The following NUDCD1 variants were observed in gnomAD, a reference collection of about 807,000 sequenced individuals.
NUDCD1 encodes the protein NudC domain containing 1, also known as nudC domain-containing protein 1.
A neutral mutation model predicts 67.8 loss-of-function variants in NUDCD1; 60 were observed. That is an observed-to-expected ratio of 0.88 (90% CI 0.72 to 1.10). The LOEUF (loss-of-function observed/expected upper bound fraction) is 1.10, where lower values mean the gene tolerates loss of function less well. Among genes scored for constraint, NUDCD1 ranks in the 50% least tolerant of loss-of-function variants. The pLI, the probability that NUDCD1 is intolerant of heterozygous loss-of-function variation, is 0.00. For synonymous variants in NUDCD1, 244 were observed against 230.8 expected (o/e 1.06, Z -0.52); for missense variants, 643 against 695.0 (o/e 0.93, Z 0.84).
chr8:109,306,033 C>G (rs1815094144), intron 2 of NUDCD1, among the ~76,000 whole-genome samples: 2 of 152,162 alleles, frequency 1.3e-5, no homozygotes, highest in South Asian at 2.1e-4. Context: ...TATGCAGTCA[C>G]TCTCACTACT....
intron 8 of NUDCD1, among the ~76,000 whole-genome samples, chr8:109,247,502 G>C (rs896220580): frequency 2.6e-5 from 4 of 152,158 alleles, no homozygotes; most frequent in Non-Finnish European, 5.9e-5. Context: ...AATGAAGGTA[G>C]GTGCCTTATT....
At chr8:109,255,308 T>C (rs186167258) in intron 8 of NUDCD1, among the ~76,000 whole-genome samples, 4 of 152,282 alleles carry the variant, frequency 2.6e-5, no homozygotes, top group Admixed American at 2.6e-4. Context: ...GTCTAAAAAA[T>C]ATGGAAAAGA....
chr8:109,263,004 G>C (rs554397513), intron 8 of NUDCD1, among the ~76,000 whole-genome samples: 1 of 136,460 alleles, frequency 7.3e-6, no homozygotes, highest in African/African-American at 2.9e-5. Context: ...GCAGTGAGCC[G>C]AGATCGTGCC....
intron 2 of NUDCD1, among the ~76,000 whole-genome samples, chr8:109,315,028 T>C (rs1485477082): frequency 6.6e-6 from 1 of 152,166 alleles, no homozygotes; most frequent in Non-Finnish European, 1.5e-5. Flanking sequence ...ATTTAAAACT[T>C]TGCCGTTTTA....
chr8:109,273,085 T>A (rs1346702555), intron 7 of NUDCD1, among the ~76,000 whole-genome samples: 1 of 152,146 alleles, frequency 6.6e-6, no homozygotes, highest in African/African-American at 2.4e-5. Flanking sequence ...GAGAAAAGGG[T>A]CAAACATGCT....
intron 8 of NUDCD1, among the ~76,000 whole-genome samples, chr8:109,266,924 T>C (rs1200295300): frequency 6.6e-6 from 1 of 152,164 alleles, no homozygotes; most frequent in African/African-American, 2.4e-5. Flanking sequence ...TATTTGTCAT[T>C]TAAAACATAG....
At chr8:109,277,875 A>G (rs1814334120) in intron 6 of NUDCD1, among the ~76,000 whole-genome samples, 2 of 152,206 alleles carry the variant, frequency 1.3e-5, no homozygotes, top group African/African-American at 4.8e-5. Flanking sequence ...GAGATACAAA[A>G]TACTTTTAAA....
At chr8:109,333,243 T>C (rs1349088517) in intron 1 of NUDCD1, among the ~76,000 whole-genome samples, 1 of 152,214 alleles carries the variant, frequency 6.6e-6, no homozygotes, top group African/African-American at 2.4e-5. Flanking sequence ...AAAATGCAGA[T>C]CTCTGGGCTC....
intron 2 of NUDCD1, among the ~76,000 whole-genome samples, chr8:109,297,781 G>A (rs1376029398): frequency 6.6e-6 from 1 of 152,166 alleles, no homozygotes. Context: ...TGTTTTACAA[G>A]AGAATATATT....
At chr8:109,270,331 A>G (rs1261406397) in intron 8 of NUDCD1, among the ~76,000 whole-genome samples, 1 of 145,378 alleles carries the variant, frequency 6.9e-6, no homozygotes, top group African/African-American at 2.5e-5. Context: ...CTTGACAGTA[A>G]AAAAAAAAAA....
At chr8:109,256,441 G>A (rs148855987) in intron 8 of NUDCD1, among the ~76,000 whole-genome samples, 1 of 136,518 alleles carries the variant, frequency 7.3e-6, no homozygotes, top group African/African-American at 2.7e-5. Context: ...TCAGATGTGT[G>A]TGTGCATGTG....
At chr8:109,273,242 G>A (rs934306895) in intron 7 of NUDCD1, among the ~76,000 whole-genome samples, 16 of 152,112 alleles carry the variant, frequency 1.1e-4, no homozygotes, top group Admixed American at 8.5e-4. Context: ...CACACAGTAG[G>A]AGAAGACCTG....
At chr8:109,319,090 C>T (rs993868674) in intron 2 of NUDCD1, among the ~76,000 whole-genome samples, 1 of 151,820 alleles carries the variant, frequency 6.6e-6, no homozygotes, top group Non-Finnish European at 1.5e-5. Context: ...TCTCCTGCCT[C>T]AGCCTCCTGA....
At chr8:109,266,632 C>A (rs901576382) in intron 8 of NUDCD1, among the ~76,000 whole-genome samples, 8 of 152,046 alleles carry the variant, frequency 5.3e-5, no homozygotes, top group African/African-American at 1.9e-4. Flanking sequence ...TGCAGACTAG[C>A]CACATTTCAA....
At chr8:109,323,342 T>C (rs920130283) in intron 1 of NUDCD1, among the ~76,000 whole-genome samples, 7 of 152,220 alleles carry the variant, frequency 4.6e-5, no homozygotes, top group African/African-American at 1.7e-4. Flanking sequence ...GTCTGACTTA[T>C]ATTCATTTAT....
At chr8:109,279,707 C>T (rs773124080) in intron 6 of NUDCD1, among the ~76,000 whole-genome samples, 5 of 152,166 alleles carry the variant, frequency 3.3e-5, no homozygotes, top group African/African-American at 9.6e-5. Flanking sequence ...GGCCTGGTCT[C>T]GGAAACCTCC....
At chr8:109,262,686 G>T (rs562866114) in intron 8 of NUDCD1, among the ~76,000 whole-genome samples, 1 of 152,114 alleles carries the variant, frequency 6.6e-6, no homozygotes, top group South Asian at 2.1e-4. Flanking sequence ...TGTGCTGATC[G>T]ATCAGAACTA....
intron 2 of NUDCD1, among the ~76,000 whole-genome samples, 197 bp downstream of exon 2, chr8:109,322,108 GGTGA>G (rs1474864869): frequency 6.6e-6 from 1 of 151,962 alleles, no homozygotes; most frequent in Non-Finnish European, 1.5e-5. Flanking sequence ...TGAGAGTGGA[GGTGA>G]GTAAGTGTAA....
At chr8:109,327,444 GA>G (rs766311439) in intron 1 of NUDCD1, among the ~76,000 whole-genome samples, 14 of 152,078 alleles carry the variant, frequency 9.2e-5, no homozygotes, top group Non-Finnish European at 2.1e-4. Flanking sequence ...CTGCTCTGAA[GA>G]AAGAAAAAGG....
Sources: allele counts gnomAD v4.1 joint callset (sites outside exome capture counted in the v4.1 genomes callset), GRCh38; gene constraint gnomAD v4.1.1; transcripts MANE v1.5; gene names NCBI Gene and HGNC (gene_info 2026-07-23, HGNC 2026-07-21).